Variants in PTPRD observed in about 807,000 individuals in gnomAD.
The protein encoded by PTPRD is protein tyrosine phosphatase receptor type D.
Under a neutral mutation model 214.5 loss-of-function variants are expected in PTPRD, and 34 were observed. The observed-to-expected ratio is 0.16, with a 90% confidence interval of 0.12 to 0.21. The LOEUF (loss-of-function observed/expected upper bound fraction) is 0.21. Among genes scored for constraint, PTPRD ranks in the 10% least tolerant of loss-of-function variants. The pLI is 1.00. For missense variants in PTPRD, 2,545 were observed against 2,398.7 expected (o/e 1.06, Z -1.27); for synonymous variants, 1,128 against 845.7 (o/e 1.33, Z -5.79).
intron 4 of PTPRD, among the ~76,000 whole-genome samples, chr9:9,993,108 C>T (rs1306403342): frequency 6.6e-6 from 1 of 152,120 alleles, no homozygotes; most frequent in African/African-American, 2.4e-5. Context: ...TCTGGTCCAG[C>T]CTTTACATTC....
At chr9:8,734,843 T>G (rs1016787338) in intron 11 of PTPRD, among the ~76,000 whole-genome samples, 6 of 152,170 alleles carry the variant, frequency 3.9e-5, no homozygotes, top group African/African-American at 1.4e-4. Flanking sequence ...AAAGATAGGA[T>G]CAAGACTGAC....
intron 2 of PTPRD, among the ~76,000 whole-genome samples, chr9:10,354,827 T>C (rs888556777): frequency 6.6e-6 from 1 of 152,084 alleles, no homozygotes; most frequent in Non-Finnish European, 1.5e-5. Flanking sequence ...AGGAAAGACA[T>C]GAGAAGGATG....
chr9:10,276,142 A>G (rs887100436), intron 3 of PTPRD, among the ~76,000 whole-genome samples: 4 of 152,240 alleles, frequency 2.6e-5, no homozygotes, highest in African/African-American at 9.6e-5. Context: ...TAGAAAATGA[A>G]TATTACAAAA....
At chr9:8,999,647 T>C (rs1381328735) in intron 11 of PTPRD, among the ~76,000 whole-genome samples, 1 of 151,998 alleles carries the variant, frequency 6.6e-6, no homozygotes, top group Admixed American at 6.6e-5. Flanking sequence ...TAAAAATAAA[T>C]AATCAGTATT....
At chr9:9,267,900 G>C (rs1024175891) in intron 9 of PTPRD, among the ~76,000 whole-genome samples, 10 of 151,056 alleles carry the variant, frequency 6.6e-5, no homozygotes, top group African/African-American at 2.4e-4. Flanking sequence ...GGCTGTATTT[G>C]ACCAGCCCAT....
chr9:10,387,065 G>T (rs551957387), intron 2 of PTPRD, among the ~76,000 whole-genome samples: 4 of 151,710 alleles, frequency 2.6e-5, no homozygotes, highest in Admixed American at 6.6e-5. Context: ...TGGAAATAGA[G>T]AAAAAAATAA....
chr9:9,674,753 G>C (rs2096897344), intron 7 of PTPRD, among the ~76,000 whole-genome samples: 1 of 151,538 alleles, frequency 6.6e-6, no homozygotes, highest in Non-Finnish European at 1.5e-5. Flanking sequence ...TGATTTACTG[G>C]GAAGATGTAC....
intron 5 of PTPRD, among the ~76,000 whole-genome samples, chr9:9,874,221 G>T (rs533559097): frequency 2.0e-5 from 3 of 152,126 alleles, no homozygotes; most frequent in Admixed American, 2.0e-4. Context: ...ACAGGAGGCC[G>T]AAGACGAGAG....
chr9:9,518,791 C>T (rs2096896520), intron 8 of PTPRD, among the ~76,000 whole-genome samples: 1 of 152,082 alleles, frequency 6.6e-6, no homozygotes, highest in East Asian at 1.9e-4. Context: ...ATAAGAAAAA[C>T]AAGTAAGAAA....
intron 7 of PTPRD, among the ~76,000 whole-genome samples, chr9:9,645,835 C>T (rs73641341): frequency 0.03 from 4,539 of 152,110 alleles, 229 homozygotes; most frequent in African/African-American, 0.1. Context: ...TATTTTAATG[C>T]TAAATACTTT....
chr9:8,430,783 A>G (rs1370001485), intron 35 of PTPRD, among the ~76,000 whole-genome samples: 1 of 151,536 alleles, frequency 6.6e-6, no homozygotes, highest in African/African-American at 2.4e-5. Flanking sequence ...AATGCACTTC[A>G]CTCCTCTTCC....
At chr9:9,585,288 G>A (rs972737848) in intron 7 of PTPRD, among the ~76,000 whole-genome samples, 2 of 152,016 alleles carry the variant, frequency 1.3e-5, no homozygotes, top group African/African-American at 4.8e-5. Flanking sequence ...CAACAATCAA[G>A]GTATGAATAT....
At chr9:9,414,044 T>A (rs768369326) in intron 8 of PTPRD, among the ~76,000 whole-genome samples, 4 of 152,238 alleles carry the variant, frequency 2.6e-5, no homozygotes, top group Non-Finnish European at 5.9e-5. Flanking sequence ...CATAGCTCTA[T>A]TGAGAATTCA....
At chr9:9,409,760 C>G (rs560079443) in intron 8 of PTPRD, among the ~76,000 whole-genome samples, 48 of 152,136 alleles carry the variant, frequency 3.2e-4, no homozygotes, top group South Asian at 1.5e-3. Flanking sequence ...ATGGGAGCAG[C>G]TGATTTTCAA....
In PTPRD at chr9:8,436,510, G is replaced by T. The variant is rs2095356081; in HGVS notation, c.4086+82C>A. On this transcript the variant is annotated intron_variant, in intron 35 of 45. Transcript: ENST00000381196. Reference sequence around the variant, plus strand: ...CATATTTAAAGGGAAAAGCACTGATGAAGTTAATTTTCAAGAATATGGTCA... The same window carrying T: ...CATATTTAAAGGGAAAAGCACTGATTAAGTTAATTTTCAAGAATATGGTCA... The T allele has an allele frequency of 2.2e-5, 23 of 1,044,782 alleles. No individual in the cohort carries two copies. The South Asian group carries it at 3.1e-4, about 14-fold the overall frequency. 64.7% of individuals were successfully genotyped at this position (1,044,782 alleles called of 1,614,324 possible). A position where few individuals can be genotyped will look rare whatever the true frequency, so the allele number is the denominator to read the frequency against.
intron 7 of PTPRD, among the ~76,000 whole-genome samples, chr9:9,727,198 A>G (rs545519346): frequency 3.9e-5 from 6 of 152,268 alleles, no homozygotes; most frequent in Admixed American, 1.3e-4. Context: ...GCTCACACCT[A>G]TAATTCTGGC....
chr9:8,984,173 T>C (rs2099328172), intron 11 of PTPRD, among the ~76,000 whole-genome samples: 1 of 152,042 alleles, frequency 6.6e-6, no homozygotes, highest in African/African-American at 2.4e-5. Context: ...GTAATTTTTA[T>C]TGAGTGAGAT....
intron 2 of PTPRD, among the ~76,000 whole-genome samples, chr9:10,482,545 T>G (rs554949986): frequency 6.6e-6 from 1 of 152,002 alleles, no homozygotes; most frequent in South Asian, 2.1e-4. Flanking sequence ...TCCAAAAGAT[T>G]ATGATTTAAT....
chr9:10,119,340 C>A (rs886688352), intron 3 of PTPRD, among the ~76,000 whole-genome samples: 6 of 152,004 alleles, frequency 3.9e-5, no homozygotes, highest in African/African-American at 9.7e-5. Flanking sequence ...TCTTAACCAT[C>A]TCCATAGTGT....
Sources: allele counts gnomAD v4.1 joint callset (sites outside exome capture counted in the v4.1 genomes callset), GRCh38; gene constraint gnomAD v4.1.1; transcripts MANE v1.5; gene names NCBI Gene and HGNC (gene_info 2026-07-23, HGNC 2026-07-21).